The following ATXN8OS variants were observed in gnomAD, a reference collection of about 807,000 sequenced individuals.
ATXN8OS encodes ATXN8 opposite strand (non-protein coding).
In ATXN8OS at chr13:70,111,970, G is replaced by A. The variant is rs150232370; in HGVS notation, n.241-3171G>A. Among the ~76,000 whole-genome samples, 703 of 152,248 alleles carry A rather than the reference G, an allele frequency of 4.6e-3. 7 individuals carry two copies. The highest frequency in any genetic ancestry group is 0.016 in the African/African-American group (674 of 41,554). On this transcript the variant is annotated intron_variant and non_coding_transcript_variant, in intron 1 of 4. Coordinates refer to ENST00000678624, the Ensembl canonical transcript of ATXN8OS. The stretch of plus-strand genomic sequence containing the variant: ...CTGCTATAAAGACATTCCTGAGACT[G>A]GGTAATTTATAAAGAAAATAAGTTT...
At position 70,112,920 on chromosome 13, in the gene ATXN8OS, A is replaced by ATATATATTTT. The variant is rs1555298511; in HGVS notation, n.241-2220_241-2219insATATATTTTT. Among the ~76,000 whole-genome samples, 18 of 87,564 alleles carry ATATATATTTT rather than the reference A, an allele frequency of 2.1e-4. 1 individual carries two copies. Among genetic ancestry groups the ATATATATTTT allele is most frequent in the African/African-American group, 5.7e-4 (13 of 22,626 alleles). 57.4% of individuals were successfully genotyped at this position (87,564 alleles called of 152,430 possible). On this transcript the variant is annotated intron_variant and non_coding_transcript_variant, in intron 1 of 4. Transcript: ENST00000678624. ...ACTGCTGAGGGACTTTATATATATA[A>ATATATATTTT]TTTTTTTTTTTTTTTTTTTTGAGAT...
At chr13:70,167,348 A>T (rs1335810355) in intron 4 of ATXN8OS, among the ~76,000 whole-genome samples, 1 of 152,106 alleles carries the variant, frequency 6.6e-6, no homozygotes, top group Non-Finnish European at 1.5e-5. Flanking sequence ...TGATGAGTTC[A>T]TGTCCTTTGT....
At chr13:70,156,233 G>A (rs982067864) in intron 4 of ATXN8OS, among the ~76,000 whole-genome samples, 9 of 135,628 alleles carry the variant, frequency 6.6e-5, no homozygotes, top group African/African-American at 2.0e-4. Flanking sequence ...AGGTGGGTAT[G>A]GGTGGGTATG....
intron 1 of ATXN8OS, among the ~76,000 whole-genome samples, chr13:70,109,725 T>C (rs1297146914): frequency 6.6e-6 from 1 of 152,196 alleles, no homozygotes; most frequent in Non-Finnish European, 1.5e-5. Context: ...AAAAAACCCT[T>C]TAAAGCCAAC....
At chr13:70,117,656 C>T (rs1888298910) in intron 2 of ATXN8OS, among the ~76,000 whole-genome samples, 1 of 152,078 alleles carries the variant, frequency 6.6e-6, no homozygotes, top group South Asian at 2.1e-4. Context: ...TTCTCTGCTG[C>T]TTACAATTTG....
intron 3 of ATXN8OS, chr13:70,131,319 T>C (rs1342183626): frequency 5.3e-5 from 21 of 398,370 alleles, no homozygotes; most frequent in Non-Finnish European, 7.5e-5. Context: ...AGATGTCCCC[T>C]AAATTTTTCC....
At position 70,120,698 on chromosome 13, in the gene ATXN8OS, TA is replaced by T. The variant is rs1315347268; in HGVS notation, n.398+5403del. Among the ~76,000 whole-genome samples the T allele has an allele frequency of 3.9e-5, 6 of 152,274 alleles. No homozygotes were observed. The East Asian group carries it at 1.2e-3, about 29-fold the overall frequency. Reference sequence around the variant, plus strand: ...ACAATGCACTGACAGTTCTCTGCTTTAAATAAAATCTGCACATATACACCAT... The same window carrying T: ...ACAATGCACTGACAGTTCTCTGCTTTAATAAAATCTGCACATATACACCAT... On this transcript the variant is annotated intron_variant and non_coding_transcript_variant, in intron 2 of 4. Transcript: ENST00000678624.
intron 4 of ATXN8OS, among the ~76,000 whole-genome samples, chr13:70,149,207 C>A (rs1457652490): frequency 6.6e-6 from 1 of 152,040 alleles, no homozygotes; most frequent in Non-Finnish European, 1.5e-5. Context: ...ACGAGAACGA[C>A]TCATGTTTAA....
intron 4 of ATXN8OS, among the ~76,000 whole-genome samples, chr13:70,168,570 C>A (rs1889106263): frequency 6.7e-6 from 1 of 149,724 alleles, no homozygotes; most frequent in East Asian, 2.0e-4. Context: ...GACTATCATT[C>A]TACTCTCTAT....
chr13:70,156,351 A>C (rs1888936585), intron 4 of ATXN8OS, among the ~76,000 whole-genome samples: 1 of 152,070 alleles, frequency 6.6e-6, no homozygotes, highest in African/African-American at 2.4e-5. Context: ...AGTGATTTGG[A>C]AATTAGATGT....
chr13:70,168,780 C>T (rs116227909), intron 4 of ATXN8OS, among the ~76,000 whole-genome samples: 307 of 152,132 alleles, frequency 2.0e-3, no homozygotes, highest in African/African-American at 6.8e-3. Context: ...ACCATTCATC[C>T]AGGCAAGGAG....
chr13:70,166,198 T>G (rs995845914), intron 4 of ATXN8OS, among the ~76,000 whole-genome samples: 1 of 151,912 alleles, frequency 6.6e-6, no homozygotes, highest in Non-Finnish European at 1.5e-5. Context: ...AAAAGAGCCC[T>G]CATTGCCAAG....
rs74486089 is a variant in ATXN8OS at position 70,129,931 on chromosome 13, C to T, written n.499+47C>T. ...ACTGGTGATAATGGCCAGGTGTGTGCCATTAGTGCCTCCTTGATATTAAAA... is the reference window on the plus strand; with the variant it reads ...ACTGGTGATAATGGCCAGGTGTGTGTCATTAGTGCCTCCTTGATATTAAAA... On this transcript the variant is annotated intron_variant and non_coding_transcript_variant, in intron 3 of 4. Transcript: ENST00000678624. 1,799 of 398,092 alleles carry T rather than the reference C, an allele frequency of 4.5e-3. 11 individuals are homozygous for T. The highest frequency in any genetic ancestry group is 7.0e-3 in the Middle Eastern group (11 of 1,582). 24.7% of individuals were successfully genotyped at this position (398,092 alleles called of 1,614,324 possible).
intron 2 of ATXN8OS, among the ~76,000 whole-genome samples, chr13:70,123,146 T>C (rs1274813707): frequency 6.6e-6 from 1 of 152,072 alleles, no homozygotes. Flanking sequence ...AATAAGTAAA[T>C]TGCAAAACTC....
At chr13:70,158,332 C>A (rs552803233) in intron 4 of ATXN8OS, among the ~76,000 whole-genome samples, 12 of 152,230 alleles carry the variant, frequency 7.9e-5, no homozygotes, top group Admixed American at 2.0e-4. Flanking sequence ...GCAGGAGAAT[C>A]GCTTGAACCT....
chr13:70,107,517 C>T, upstream of ATXN8OS: 1 of 1,612,850 alleles, frequency 6.2e-7, no homozygotes. Flanking sequence ...CACCGCTTCT[C>T]TCTTGGCTTT....
chr13:70,125,703 C>T (rs1356291294), intron 2 of ATXN8OS, among the ~76,000 whole-genome samples: 2 of 151,990 alleles, frequency 1.3e-5, no homozygotes, highest in African/African-American at 2.4e-5. Context: ...GTTTGGTTGC[C>T]TCCTCATCTT....
chr13:70,110,407 A>C (rs1888182188), intron 1 of ATXN8OS, among the ~76,000 whole-genome samples: 1 of 152,138 alleles, frequency 6.6e-6, no homozygotes, highest in African/African-American at 2.4e-5. Flanking sequence ...ATTACGCATG[A>C]AGTTATGTTA....
At chr13:70,162,322 C>T (rs965044333) in intron 4 of ATXN8OS, among the ~76,000 whole-genome samples, 22 of 152,128 alleles carry the variant, frequency 1.4e-4, no homozygotes, top group African/African-American at 5.3e-4. Context: ...CAGTAGGGCT[C>T]TGTCATCACT....
Sources: allele counts gnomAD v4.1 joint callset (sites outside exome capture counted in the v4.1 genomes callset), GRCh38; gene constraint gnomAD v4.1.1; transcripts MANE v1.5; gene names NCBI Gene and HGNC (gene_info 2026-07-23, HGNC 2026-07-21).